HNRNPK: variants seen among roughly 807,000 people sequenced by gnomAD.
HNRNPK encodes heterogeneous nuclear ribonucleoprotein K.
HNRNPK carries 7 observed loss-of-function variants against 67.0 expected under a neutral mutation model. The ratio of observed to expected loss-of-function variants is 0.10; its 90% CI spans 0.06 to 0.20. The LOEUF (loss-of-function observed/expected upper bound fraction) is 0.20. Ranked by LOEUF, HNRNPK falls within the 10% of genes least tolerant of loss-of-function variation. The pLI is 1.00. For missense variants in HNRNPK, 264 were observed against 606.5 expected (o/e 0.44, Z 5.93); for synonymous variants, 213 against 193.7 (o/e 1.10, Z -0.83).
chr9:83,971,093 C>T, intron 13 of HNRNPK, 180 bp downstream of exon 13: 1 of 727,710 alleles, frequency 1.4e-6, no homozygotes, highest in South Asian at 1.6e-5. Flanking sequence ...GAGTGAGCAC[C>T]ACTGCACCCA....
chr9:83,979,218 T>A (rs1399432888), intron 1 of HNRNPK, among the ~76,000 whole-genome samples: 1 of 152,182 alleles, frequency 6.6e-6, no homozygotes, highest in African/African-American at 2.4e-5. Context: ...GAAGGTTGGC[T>A]AGACAGCAAA....
intron 6 of HNRNPK, among the ~76,000 whole-genome samples, chr9:83,974,957 A>G (rs1342404883): frequency 6.6e-6 from 1 of 152,250 alleles, no homozygotes; most frequent in Non-Finnish European, 1.5e-5. Context: ...TCTCTTAGGC[A>G]AAGTGGGGGA....
chr9:83,969,977 T>C (rs1287328745), intron 16 of HNRNPK, 185 bp downstream of exon 16: 4 of 650,864 alleles, frequency 6.1e-6, no homozygotes, highest in Non-Finnish European at 1.1e-5. Flanking sequence ...AGATTAGTAT[T>C]GAATGTCTTC....
At chr9:83,976,444 A>G (rs1366803939) in intron 5 of HNRNPK, 1 of 152,348 alleles carries the variant, frequency 6.6e-6, no homozygotes, top group African/African-American at 2.4e-5. Flanking sequence ...TGAAGACTCA[A>G]ACAAATCATA....
At chr9:83,973,719 C>A (rs1307443634) in intron 8 of HNRNPK, among the ~76,000 whole-genome samples, 183 bp downstream of exon 8, 1 of 152,206 alleles carries the variant, frequency 6.6e-6, no homozygotes, top group African/African-American at 2.4e-5. Context: ...AAGCACTTTG[C>A]AAATGTAGTT....
chr9:83,970,475 A>G, intron 15 of HNRNPK, 144 bp from the exon 16 acceptor site: 3 of 698,870 alleles, frequency 4.3e-6, no homozygotes, highest in Admixed American at 3.0e-5. Context: ...TCAAGGTTTG[A>G]GTTATAATGT....
At chr9:83,975,859 T>G (rs1013938359) in intron 5 of HNRNPK, 8 of 253,798 alleles carry the variant, frequency 3.2e-5, no homozygotes, top group Non-Finnish European at 6.2e-5. Flanking sequence ...GACTGTGGCT[T>G]AACATTAAGG....
intron 14 of HNRNPK, 24 bp downstream of exon 14, chr9:83,970,873 G>C: frequency 6.2e-7 from 1 of 1,610,820 alleles, no homozygotes; most frequent in Non-Finnish European, 8.5e-7. Flanking sequence ...ATTAATGTTT[G>C]ACTTCACAAA....
intron 16 of HNRNPK, chr9:83,969,810 AAAC>A (rs746491657): frequency 1.6e-6 from 1 of 618,034 alleles, no homozygotes; most frequent in South Asian, 1.4e-5. Context: ...AGTTATCTAA[AAAC>A]AACAAAATCA....
In HNRNPK at chr9:83,978,451, G is replaced by C; in HGVS notation, c.-106C>G. 1 of 1,084,818 alleles carries C rather than the reference G, an allele frequency of 9.2e-7. No individual in the cohort carries two copies. The highest frequency in any genetic ancestry group is 1.2e-6 in the Non-Finnish European group (1 of 820,798). 67.2% of individuals were successfully genotyped at this position (1,084,818 alleles called of 1,614,324 possible). ...CAACTGACACCCCAGTGCTGCAGTA[G>C]CCTATAAGAACCAACACAAATCAGT... On this transcript the variant is annotated splice_region_variant and 5_prime_UTR_variant, in exon 2 of 17. Transcript: ENST00000376263.
chr9:83,973,011 A>C, intron 9 of HNRNPK, 39 bp from the exon 10 acceptor site: 3 of 1,459,514 alleles, frequency 2.1e-6, no homozygotes, highest in Non-Finnish European at 2.8e-6. Flanking sequence ...AATAATTAGA[A>C]GAAAATTAGC....
rs1255922348 is a variant in HNRNPK at position 83,980,174 on chromosome 9, C to A, written c.-129G>T. ...TCACCGCGCGAGACTGCCGTCCCTC[C>A]GCTGCCGCGCCGCCTCAGCCGGTCG... On this transcript the variant is annotated 5_prime_UTR_variant, in exon 1 of 17. Coordinates refer to ENST00000376263, the MANE Select transcript of HNRNPK (RefSeq NM_031263.4). 1 of 152,422 alleles carries A rather than the reference C, an allele frequency of 6.6e-6. No homozygotes were observed. Among genetic ancestry groups the A allele is most frequent in the Non-Finnish European group, 1.5e-5 (1 of 68,192 alleles). The allele number at this position is 152,422 out of a possible 1,614,324, so 9.4% of individuals were successfully genotyped here. A position where few individuals can be genotyped will look rare whatever the true frequency, so the allele number is the denominator to read the frequency against.
intron 6 of HNRNPK, 178 bp downstream of exon 6, chr9:83,975,284 G>T: frequency 1.6e-6 from 1 of 614,312 alleles, no homozygotes; most frequent in Non-Finnish European, 2.9e-6. Context: ...GATCGTTTGG[G>T]TGGGCAACTC....
chr9:83,970,293 A>G lies in HNRNPK; in HGVS notation c.1230T>C (p.Ile410=). ...CTCCCGACTCATGACGGATTTGTTT[A>G]ATCCGCTGACCACCTTTGCCAATAA... is the stretch of plus-strand genomic sequence containing the variant. ...GSIIGKGGQR[I]KQIRHESGAS... Residue 410 remains isoleucine (I), a synonymous_variant, in exon 16 of 17, where the codon ATT becomes ATC. Coordinates refer to ENST00000376263, the MANE Select transcript of HNRNPK (RefSeq NM_031263.4). 1.9e-6 allele frequency: 3 copies of G among 1,613,946 alleles called. No individual in the cohort carries two copies. Among genetic ancestry groups the G allele is most frequent in the Non-Finnish European group, 2.5e-6 (3 of 1,179,914 alleles).
intron 7 of HNRNPK, 129 bp downstream of exon 7, chr9:83,974,388 C>A: frequency 4.3e-6 from 2 of 469,258 alleles, no homozygotes; most frequent in South Asian, 4.2e-5. Context: ...AATTATGTAG[C>A]AGGTTAAGAT....
intron 1 of HNRNPK, among the ~76,000 whole-genome samples, chr9:83,979,187 G>C (rs1047872994): frequency 3.3e-5 from 5 of 152,200 alleles, no homozygotes; most frequent in African/African-American, 1.2e-4. Flanking sequence ...GGGACTAGGA[G>C]TTGACAAGCG....
chr9:83,976,927 A>G (rs1957092770), intron 5 of HNRNPK, 68 bp downstream of exon 5: 3 of 852,690 alleles, frequency 3.5e-6, no homozygotes, highest in Non-Finnish European at 5.7e-6. Flanking sequence ...TAGGATGTAA[A>G]TCTTTAAATT....
chr9:83,975,391 TA>T, intron 6 of HNRNPK, 70 bp downstream of exon 6: 1 of 1,315,012 alleles, frequency 7.6e-7, no homozygotes, highest in Non-Finnish European at 1.1e-6. Flanking sequence ...TTTAATTATA[TA>T]AAAGGCAGGT....
At chr9:83,979,554 G>C (rs1588443188) in intron 1 of HNRNPK, among the ~76,000 whole-genome samples, 1 of 152,068 alleles carries the variant, frequency 6.6e-6, no homozygotes, top group Non-Finnish European at 1.5e-5. Context: ...AAAACAGCCG[G>C]GTAACAGGAC....
Sources: gnomAD v4.1 joint callset for allele counts (sites outside exome capture counted in the v4.1 genomes callset) on GRCh38, gnomAD v4.1.1 for gene constraint, MANE v1.5 for transcripts, NCBI Gene and HGNC (gene_info 2026-07-23, HGNC 2026-07-21) for gene names.